GLDC: variants seen among roughly 807,000 people sequenced by gnomAD.
The protein encoded by GLDC is glycine decarboxylase.
Under a neutral mutation model 121.3 loss-of-function variants are expected in GLDC, and 104 were observed. The observed-to-expected ratio is 0.86, with a 90% CI of 0.73 to 1.01. The LOEUF is 1.01. GLDC is among the 50% of genes least tolerant of loss of function. GLDC has a pLI of 0.00. For missense variants in GLDC, 1,429 were observed against 1,306.6 expected (o/e 1.09, Z -1.44); for synonymous variants, 546 against 480.6 (o/e 1.14, Z -1.78).
At chr9:6,579,043 T>C (rs1025371401) in intron 15 of GLDC, among the ~76,000 whole-genome samples, 1 of 152,224 alleles carries the variant, frequency 6.6e-6, no homozygotes, top group Non-Finnish European at 1.5e-5. Flanking sequence ...TCTATGTTTT[T>C]AAATTTGTTG....
Position 6,587,215 on chromosome 9 carries a change from C to T in GLDC, c.1776G>A (p.Gln592=). The T allele has an allele frequency of 6.2e-7, 1 of 1,613,928 alleles. No individual in the cohort carries two copies. The highest frequency in any genetic ancestry group is 1.7e-5 in the Admixed American group (1 of 60,020). ...CCTTCTCAAGCTCTCGGAAAAGCTGCTGATATCCTTGAGCTTGATCCAGAG... is the reference window on the plus strand; with the variant it reads ...CCTTCTCAAGCTCTCGGAAAAGCTGTTGATATCCTTGAGCTTGATCCAGAG... ...FVPLDQAQGY[Q]QLFRELEKDL... is the part of the protein sequence containing the mutation. Residue 592 remains glutamine, a synonymous_variant, in exon 15 of 25, where the codon CAG becomes CAA. Transcript: ENST00000321612.
intron 2 of GLDC, among the ~76,000 whole-genome samples, chr9:6,630,873 C>T (rs115292896): frequency 0.016 from 2,455 of 152,282 alleles, 76 homozygotes; most frequent in African/African-American, 0.056. Flanking sequence ...CCATAGCCAC[C>T]TGGATCAAGC....
At position 6,591,112 on chromosome 9, in the gene GLDC, G is replaced by T. The variant is rs546254100; in HGVS notation, c.1482+1031C>A. 2.6e-5 allele frequency among the ~76,000 whole-genome samples: 4 copies of T among 152,148 alleles called. No individual in the cohort carries two copies. The South Asian group carries it at 8.3e-4, about 32-fold the overall frequency. On this transcript the variant is annotated intron_variant, in intron 11 of 24. Transcript: ENST00000321612. ...GGCTCTCTTTCACTCTCATCCCATG[G>T]AATGGTAACTTTTCTCTTGCTTTCC...
intron 24 of GLDC, among the ~76,000 whole-genome samples, chr9:6,533,905 A>G (rs1448644177): frequency 6.6e-6 from 1 of 151,648 alleles, no homozygotes; most frequent in Non-Finnish European, 1.5e-5. Flanking sequence ...TAAAATAAAA[A>G]TTTGAACGAT....
intron 20 of GLDC, 64 bp from the exon 21 acceptor site, chr9:6,550,978 A>G (rs1015037776): frequency 9.1e-6 from 9 of 985,844 alleles, no homozygotes; most frequent in South Asian, 6.4e-5. Flanking sequence ...GAAGAAACCA[A>G]CCAAAAGACA....
chr9:6,617,896 C>T (rs961895023), intron 3 of GLDC, among the ~76,000 whole-genome samples: 4 of 152,196 alleles, frequency 2.6e-5, no homozygotes, highest in African/African-American at 9.6e-5. Flanking sequence ...TTATGATTTC[C>T]CACTTAGTGA....
At chr9:6,611,419 G>A (rs1219764531) in intron 3 of GLDC, among the ~76,000 whole-genome samples, 2 of 152,192 alleles carry the variant, frequency 1.3e-5, no homozygotes, top group African/African-American at 4.8e-5. Flanking sequence ...AGCCAGGCGT[G>A]GTGGCACGTG....
At chr9:6,611,665 T>C (rs115704842) in intron 3 of GLDC, among the ~76,000 whole-genome samples, 116 of 152,328 alleles carry the variant, frequency 7.6e-4, no homozygotes, top group African/African-American at 2.7e-3. Context: ...TGTCTAATTA[T>C]CATTTCCTTT....
intron 3 of GLDC, among the ~76,000 whole-genome samples, chr9:6,618,368 T>C (rs1281415408): frequency 6.6e-6 from 1 of 152,116 alleles, no homozygotes; most frequent in Non-Finnish European, 1.5e-5. Context: ...AGTGCAATGC[T>C]GCGATCTTGG....
At chr9:6,561,392 T>TA (rs543117731) in intron 16 of GLDC, among the ~76,000 whole-genome samples, 86 of 152,336 alleles carry the variant, frequency 5.6e-4, no homozygotes, top group African/African-American at 2.0e-3. Context: ...CTCATGTCTG[T>TA]AATCCCAGCA....
At chr9:6,622,417 T>C (rs981779490) in intron 2 of GLDC, among the ~76,000 whole-genome samples, 9 of 149,632 alleles carry the variant, frequency 6.0e-5, no homozygotes, top group Non-Finnish European at 8.9e-5. Flanking sequence ...GGTTTTCGTA[T>C]TTTTTTGGTG....
intron 2 of GLDC, among the ~76,000 whole-genome samples, chr9:6,630,410 C>T (rs1208620084): frequency 2.6e-5 from 4 of 152,158 alleles, no homozygotes; most frequent in Non-Finnish European, 5.9e-5. Flanking sequence ...GGGAGCCCAG[C>T]CAGCAGCGCC....
At chr9:6,543,656 G>A (rs1373932621) in intron 21 of GLDC, among the ~76,000 whole-genome samples, 2 of 152,214 alleles carry the variant, frequency 1.3e-5, no homozygotes, top group East Asian at 3.8e-4. Flanking sequence ...CTCTATGTGA[G>A]CCCTGAAAGG....
chr9:6,599,496 G>A (rs1006701668), intron 8 of GLDC, among the ~76,000 whole-genome samples: 2 of 152,140 alleles, frequency 1.3e-5, no homozygotes, highest in Non-Finnish European at 2.9e-5. Context: ...GCCGAGGTGG[G>A]CAGATCATGA....
intron 8 of GLDC, among the ~76,000 whole-genome samples, chr9:6,601,388 C>T (rs1818607557): frequency 6.6e-6 from 1 of 152,176 alleles, no homozygotes; most frequent in African/African-American, 2.4e-5. Context: ...CCCTGATATC[C>T]ATCTTTCTAT....
intron 17 of GLDC, among the ~76,000 whole-genome samples, chr9:6,557,141 T>G (rs1172433901): frequency 6.6e-6 from 1 of 152,202 alleles, no homozygotes. Flanking sequence ...TAATTTTGAA[T>G]AGTTAGAAGG....
chr9:6,604,525 T>G, intron 7 of GLDC, 63 bp downstream of exon 7: 1 of 1,416,444 alleles, frequency 7.1e-7, no homozygotes, highest in Non-Finnish European at 1.0e-6. Context: ...TCAACATTTG[T>G]GATCAGAAGA....
chr9:6,543,422 G>T (rs192424806), intron 21 of GLDC, among the ~76,000 whole-genome samples: 59 of 152,216 alleles, frequency 3.9e-4, no homozygotes, highest in Middle Eastern at 3.4e-3. Flanking sequence ...AGCGCAAGAG[G>T]AGAGTCTTCC....
chr9:6,600,494 T>G (rs1818583377), intron 8 of GLDC, among the ~76,000 whole-genome samples: 1 of 151,586 alleles, frequency 6.6e-6, no homozygotes, highest in Non-Finnish European at 1.5e-5. Context: ...CTGGCCAACA[T>G]GATGAAACCT....
Sources: gnomAD v4.1 joint callset for allele counts (sites outside exome capture counted in the v4.1 genomes callset) on GRCh38, gnomAD v4.1.1 for gene constraint, MANE v1.5 for transcripts, NCBI Gene and HGNC (gene_info 2026-07-23, HGNC 2026-07-21) for gene names.